The following PARD3 variants were observed in gnomAD, a reference collection of about 807,000 sequenced individuals.
The protein encoded by PARD3 is par-3 family cell polarity regulator.
A neutral mutation model predicts 155.4 loss-of-function variants in PARD3; 75 were observed. The ratio of observed to expected loss-of-function variants is 0.48; its 90% confidence interval spans 0.40 to 0.58. PARD3 has a LOEUF of 0.58. PARD3 is among the 20% of genes least tolerant of loss of function. PARD3 has a pLI of 0.00. For missense variants in PARD3, 1,642 were observed against 1,721.7 expected, an observed-to-expected ratio of 0.95 and a Z score of 0.82; for synonymous variants, 576 against 610.5, an observed-to-expected ratio of 0.94 and a Z score of 0.83.
At position 34,474,513 on chromosome 10, in the gene PARD3, G is replaced by A. The variant is rs116108887; in HGVS notation, c.404-4250C>T. Among the ~76,000 whole-genome samples the A allele has an allele frequency of 1.0e-2, 1,515 of 152,208 alleles. 25 individuals carry two copies. Among genetic ancestry groups the A allele is most frequent in the African/African-American group, 0.034 (1,398 of 41,512 alleles). ...GGAGTTTTCACACACACATACACAC[G>A]CGTGCACAAAGTTTAGTAACAGTGT... is the stretch of plus-strand genomic sequence containing the variant. On this transcript the variant is annotated intron_variant, in intron 3 of 24. Transcript: ENST00000374788.
intron 3 of PARD3, among the ~76,000 whole-genome samples, chr10:34,497,546 C>T (rs1239286514): frequency 6.6e-6 from 1 of 152,104 alleles, no homozygotes; most frequent in Non-Finnish European, 1.5e-5. Flanking sequence ...AGAAAAGCTG[C>T]CTGAAGTCAC....
chr10:34,189,368 A>T (rs985643997), intron 22 of PARD3, among the ~76,000 whole-genome samples: 1 of 152,122 alleles, frequency 6.6e-6, no homozygotes, highest in African/African-American at 2.4e-5. Flanking sequence ...CTGCTAAGAC[A>T]TTTCTTTCCT....
At chr10:34,164,275 T>G (rs920940707) in intron 22 of PARD3, among the ~76,000 whole-genome samples, 6 of 152,224 alleles carry the variant, frequency 3.9e-5, no homozygotes, top group South Asian at 2.1e-4. Flanking sequence ...CTTTAATCAA[T>G]GAACTGTTAA....
Position 34,815,064 on chromosome 10 carries a change from A to G in PARD3, c.-69T>C. 1 of 1,128,030 alleles carries G rather than the reference A, an allele frequency of 8.9e-7. No homozygotes were observed. Among genetic ancestry groups the G allele is most frequent in the Non-Finnish European group, 1.1e-6 (1 of 906,746 alleles). The allele number at this position is 1,128,030 out of a possible 1,614,324, so 69.9% of individuals were successfully genotyped here. ...GCCGGAGCAGCCGAGGCCGGGACCG[A>G]GGACGCTGGGCGCGGAGGAGCCGCT... On this transcript the variant is annotated 5_prime_UTR_variant, in exon 1 of 25. Coordinates refer to ENST00000374788, the MANE Select transcript of PARD3 (RefSeq NM_001184785.2).
At chr10:34,619,885 G>GATATTGTATATTGTATAAA (rs1711983034) in intron 2 of PARD3, among the ~76,000 whole-genome samples, 1 of 152,050 alleles carries the variant, frequency 6.6e-6, no homozygotes, top group Admixed American at 6.6e-5. Context: ...CCTTCTCCCT[G>GATATTGTATATTGTATAAA]ATATTGTATA....
At chr10:34,640,681 C>T (rs977902385) in intron 2 of PARD3, among the ~76,000 whole-genome samples, 2 of 101,676 alleles carry the variant, frequency 2.0e-5, no homozygotes, top group Non-Finnish European at 3.7e-5. Flanking sequence ...TGTACTCCAG[C>T]TTGGACAACA....
chr10:34,225,944 G>A (rs545747416), intron 22 of PARD3, among the ~76,000 whole-genome samples: 1 of 152,044 alleles, frequency 6.6e-6, no homozygotes, highest in East Asian at 1.9e-4. Context: ...AGTAAATTAA[G>A]AAACAAGCTA....
chr10:34,281,912 T>G (rs1401948334), intron 21 of PARD3, among the ~76,000 whole-genome samples: 1 of 152,104 alleles, frequency 6.6e-6, no homozygotes, highest in Non-Finnish European at 1.5e-5. Flanking sequence ...GAGAGGTATT[T>G]CACTACTAGT....
At chr10:34,460,868 C>A (rs570564851) in intron 4 of PARD3, among the ~76,000 whole-genome samples, 1 of 152,056 alleles carries the variant, frequency 6.6e-6, no homozygotes, top group East Asian at 1.9e-4. Flanking sequence ...AAAATGGGTA[C>A]AGCAACAGTA....
intron 8 of PARD3, among the ~76,000 whole-genome samples, chr10:34,383,340 T>C (rs533570057): frequency 6.6e-6 from 1 of 152,228 alleles, no homozygotes; most frequent in African/African-American, 2.4e-5. Flanking sequence ...GCTTTATAAT[T>C]ATATTTAGAA....
chr10:34,231,385 G>A lies in PARD3; in HGVS notation c.3419+38272C>T, dbSNP rs150420390. On this transcript the variant is annotated intron_variant, in intron 22 of 24. Coordinates refer to ENST00000374788, the MANE Select transcript of PARD3 (RefSeq NM_001184785.2). ...TGGAAATATATTAGTTACCTCTGAA[G>A]GTCACAAAATTTCAATCAATTTTAG... Among the ~76,000 whole-genome samples the A allele has an allele frequency of 4.7e-4, 71 of 151,194 alleles. No individual in the cohort carries two copies. In the East Asian group the frequency reaches 0.013, roughly 27 times the overall value.
intron 15 of PARD3, chr10:34,344,530 C>T (rs536091251): frequency 5.5e-6 from 5 of 917,388 alleles, no homozygotes; most frequent in East Asian, 2.4e-4. Context: ...GATCCACCTG[C>T]CTGGGCCTCC....
At chr10:34,151,130 C>T (rs890860438) in intron 22 of PARD3, among the ~76,000 whole-genome samples, 12 of 151,802 alleles carry the variant, frequency 7.9e-5, no homozygotes, top group Admixed American at 5.3e-4. Context: ...TCAATATACA[C>T]CAATACTTTC....
intron 2 of PARD3, among the ~76,000 whole-genome samples, chr10:34,612,659 G>A (rs1239308944): frequency 6.6e-6 from 1 of 152,206 alleles, no homozygotes; most frequent in East Asian, 1.9e-4. Context: ...TCTTACCCTA[G>A]AGGGCTATAG....
chr10:34,487,010 C>T (rs1266602707), intron 3 of PARD3, among the ~76,000 whole-genome samples: 48 of 152,030 alleles, frequency 3.2e-4, no homozygotes, highest in Admixed American at 3.1e-3. Context: ...CTCATGATAC[C>T]TTTTGTAAAC....
In PARD3 at chr10:34,453,056, G is replaced by A. The variant is rs2077143567; in HGVS notation, c.583-2608C>T. On this transcript the variant is annotated intron_variant, in intron 4 of 24. Coordinates refer to ENST00000374788, the MANE Select transcript of PARD3 (RefSeq NM_001184785.2). ...TAACAATGTTCTGCACCACTTTCTG[G>A]CACAGGAGTTTCCTAAAACATATGT... 2.0e-5 allele frequency among the ~76,000 whole-genome samples: 3 copies of A among 152,122 alleles called. No individual in the cohort carries two copies. In the South Asian group the frequency reaches 6.2e-4, roughly 32 times the overall value.
intron 2 of PARD3, among the ~76,000 whole-genome samples, chr10:34,622,790 C>T (rs2091757360): frequency 6.8e-6 from 1 of 147,832 alleles, no homozygotes; most frequent in African/African-American, 2.5e-5. Context: ...TCAAACTGTT[C>T]AATGACTTAC....
chr10:34,752,131 T>TG (rs555396510), intron 1 of PARD3, among the ~76,000 whole-genome samples: 205 of 152,104 alleles, frequency 1.3e-3, no homozygotes, highest in Non-Finnish European at 2.1e-3. Context: ...TGTATTTTTG[T>TG]GGGGGGGTTT....
At chr10:34,142,631 G>GAAAGGAC (rs1948251575) in intron 22 of PARD3, among the ~76,000 whole-genome samples, 1 of 151,872 alleles carries the variant, frequency 6.6e-6, no homozygotes, top group Non-Finnish European at 1.5e-5. Context: ...ATGGAAGGAA[G>GAAAGGAC]AAAGGACGAA....
Sources: allele counts gnomAD v4.1 joint callset (sites outside exome capture counted in the v4.1 genomes callset), GRCh38; gene constraint gnomAD v4.1.1; transcripts MANE v1.5; gene names NCBI Gene and HGNC (gene_info 2026-07-23, HGNC 2026-07-21).